CDH9: variants seen among roughly 807,000 people sequenced by gnomAD.
CDH9 encodes cadherin 9, also known as cadherin-9.
Under a neutral mutation model 70.9 loss-of-function variants are expected in CDH9, and 28 were observed. The observed-to-expected ratio is 0.40, with a 90% confidence interval of 0.29 to 0.54. The LOEUF (loss-of-function observed/expected upper bound fraction) is 0.54, where lower values mean the gene tolerates loss of function less well. CDH9 is among the 20% of genes least tolerant of loss of function. CDH9 has a pLI of 0.59. For synonymous variants in CDH9, 409 were observed against 343.1 expected (o/e 1.19, Z -2.12); for missense variants, 874 against 984.4 (o/e 0.89, Z 1.50).
intron 3 of CDH9, 104 bp downstream of exon 3, chr5:26,915,526 C>T (rs1416800677): frequency 1.4e-6 from 1 of 691,324 alleles, no homozygotes; most frequent in Non-Finnish European, 2.6e-6. Flanking sequence ...ACAGTTATAA[C>T]TCTTATTCTG....
At chr5:26,950,384 C>T (rs147721912) in intron 2 of CDH9, among the ~76,000 whole-genome samples, 18 of 152,224 alleles carry the variant, frequency 1.2e-4, no homozygotes, top group Middle Eastern at 6.8e-3. Flanking sequence ...TTTGATAATT[C>T]ATTTATAGTA....
chr5:26,992,657 G>C (rs887506671), intron 1 of CDH9, among the ~76,000 whole-genome samples: 8 of 152,134 alleles, frequency 5.3e-5, no homozygotes, highest in East Asian at 1.9e-4. Context: ...TTTGGAACTG[G>C]GTAATAATAG....
At chr5:27,010,601 T>C (rs1742939534) in intron 1 of CDH9, among the ~76,000 whole-genome samples, 1 of 152,154 alleles carries the variant, frequency 6.6e-6, no homozygotes, top group Non-Finnish European at 1.5e-5. Flanking sequence ...CTACATTGAG[T>C]GCAGGATCTG....
intron 3 of CDH9, among the ~76,000 whole-genome samples, chr5:26,910,511 T>A (rs1463230873): frequency 6.6e-6 from 1 of 152,196 alleles, no homozygotes; most frequent in Non-Finnish European, 1.5e-5. Context: ...CACATTCTCT[T>A]TATCTGTATC....
chr5:26,932,729 A>T (rs1443502699), intron 2 of CDH9, among the ~76,000 whole-genome samples: 2 of 152,028 alleles, frequency 1.3e-5, no homozygotes, highest in African/African-American at 4.8e-5. Context: ...TTGTATATTT[A>T]GACTATTCAC....
intron 2 of CDH9, among the ~76,000 whole-genome samples, chr5:26,917,781 C>A (rs1260723131): frequency 2.6e-5 from 4 of 152,026 alleles, no homozygotes; most frequent in Non-Finnish European, 4.4e-5. Context: ...CACTCTTGCT[C>A]TACTCCAAGC....
At chr5:26,910,758 T>C (rs1387994542) in intron 3 of CDH9, among the ~76,000 whole-genome samples, 1 of 152,186 alleles carries the variant, frequency 6.6e-6, no homozygotes, top group East Asian at 1.9e-4. Context: ...TAACGAAAGT[T>C]ACAGAAAGTG....
chr5:26,916,459 T>C (rs1741151400), intron 2 of CDH9, among the ~76,000 whole-genome samples: 2 of 151,980 alleles, frequency 1.3e-5, no homozygotes, highest in South Asian at 4.1e-4. Context: ...CTGTGGAGTG[T>C]ACCGAAACCT....
At position 26,903,391 on chromosome 5, in the gene CDH9, T is replaced by C. The variant is rs759259069; in HGVS notation, c.999+246A>G. On this transcript the variant is annotated intron_variant, in intron 6 of 11. Coordinates refer to ENST00000231021, the MANE Select transcript of CDH9 (RefSeq NM_016279.4). ...TATGGAGAAATACAAAACAAGTACC[T>C]TGAAGTTTATCTAATTTTAATTTGA... 84 of 602,392 alleles carry C rather than the reference T, an allele frequency of 1.4e-4. 1 individual carries two copies. The highest frequency in any genetic ancestry group is 8.3e-4 in the East Asian group (26 of 31,288). The allele number at this position is 602,392 out of a possible 1,614,324, so 37.3% of individuals were successfully genotyped here.
chr5:26,914,429 A>G (rs1741113595), intron 3 of CDH9, among the ~76,000 whole-genome samples: 1 of 152,006 alleles, frequency 6.6e-6, no homozygotes, highest in African/African-American at 2.4e-5. Context: ...AAGATACTAA[A>G]AAATATAACA....
chr5:26,970,865 G>A (rs1052158611), intron 2 of CDH9, among the ~76,000 whole-genome samples: 5 of 152,044 alleles, frequency 3.3e-5, no homozygotes, highest in African/African-American at 1.2e-4. Context: ...TGATTCAAAT[G>A]TCTAGTGTAA....
intron 1 of CDH9, among the ~76,000 whole-genome samples, chr5:26,991,072 G>C (rs1023045680): frequency 3.3e-5 from 5 of 152,174 alleles, no homozygotes; most frequent in Non-Finnish European, 4.4e-5. Context: ...GTTTAGAAAA[G>C]ATCAACTGGT....
chr5:26,992,429 A>C (rs1031808088), intron 1 of CDH9, among the ~76,000 whole-genome samples: 2 of 152,228 alleles, frequency 1.3e-5, no homozygotes, highest in African/African-American at 4.8e-5. Context: ...ACACAGCAGA[A>C]CAATGGCCAT....
rs1211082758 is a variant in CDH9, at chr5:26,881,151, A to G, written c.2355T>C (p.Asp785=). The G allele has an allele frequency of 3.0e-5, 48 of 1,608,394 alleles. No individual in the cohort carries two copies. Among genetic ancestry groups the G allele is most frequent in the Non-Finnish European group, 3.9e-5 (46 of 1,177,196 alleles). ...AACAATCCTCTTAGTCTCGGTCACT[A>G]TCATCACCCCCATACATATCGGCAA... ...KKLADMYGGD[D]SDRD The change falls in exon 12 of 12, where the codon GAT becomes GAC. Residue 785 remains aspartate (D), a synonymous_variant. Transcript: ENST00000231021.
chr5:26,952,901 CAA>C (rs70939788), intron 2 of CDH9, among the ~76,000 whole-genome samples: 69,444 of 105,148 alleles, frequency 0.66, 22,451 homozygotes, highest in East Asian at 0.83. Context: ...GTTTCTATTC[CAA>C]AAAAAAAAAA....
intron 2 of CDH9, among the ~76,000 whole-genome samples, chr5:26,927,759 C>A (rs984161022): frequency 2.0e-5 from 3 of 151,972 alleles, no homozygotes; most frequent in African/African-American, 7.2e-5. Context: ...AAAGAGTTTG[C>A]ATTTCACAGT....
chr5:26,936,106 T>TG (rs34145822), intron 2 of CDH9, among the ~76,000 whole-genome samples: 13 of 149,950 alleles, frequency 8.7e-5, no homozygotes, highest in South Asian at 2.1e-4. Flanking sequence ...TGGGGAAGAG[T>TG]GGGGGGGTGA....
chr5:26,932,128 A>AT (rs34399260), intron 2 of CDH9, among the ~76,000 whole-genome samples: 120,777 of 151,832 alleles, frequency 0.8, 49,784 homozygotes, highest in Non-Finnish European at 0.89. Context: ...TTTGAATATC[A>AT]TTTTTTTATT....
intron 2 of CDH9, among the ~76,000 whole-genome samples, chr5:26,961,717 C>T (rs78750986): frequency 0.018 from 2,694 of 152,194 alleles, 96 homozygotes; most frequent in African/African-American, 0.061. Flanking sequence ...AACCTGTATG[C>T]AATTTTAATT....
Sources: allele counts gnomAD v4.1 joint callset (sites outside exome capture counted in the v4.1 genomes callset), GRCh38; gene constraint gnomAD v4.1.1; transcripts MANE v1.5; gene names NCBI Gene and HGNC (gene_info 2026-07-23, HGNC 2026-07-21).